STX1A: variants seen among roughly 807,000 people sequenced by gnomAD.
The protein encoded by STX1A is syntaxin-1A.
In STX1A, 4 loss-of-function variants were observed where a neutral mutation model predicts 37.8. The ratio of observed to expected loss-of-function variants is 0.11; its 90% confidence interval spans 0.05 to 0.24. The LOEUF (loss-of-function observed/expected upper bound fraction) is 0.24, where lower values mean the gene tolerates loss of function less well. Ranked by LOEUF, STX1A falls within the 10% of genes least tolerant of loss-of-function variation. The pLI, the probability that STX1A is intolerant of heterozygous loss-of-function variation, is 1.00. For synonymous variants in STX1A, 135 were observed against 147.4 expected (o/e 0.92, Z 0.61); for missense variants, 251 against 399.9 (o/e 0.63, Z 3.18).
chr7:73,709,943 G>A lies in STX1A; in HGVS notation c.31-821C>T, dbSNP rs1554617699. Reference sequence around the variant, plus strand: ...ACGGGGGTCTCACTGTGTTACCCAGGCTGGTCTTGAACTCCTGGCCTCAAG... The same window carrying A: ...ACGGGGGTCTCACTGTGTTACCCAGACTGGTCTTGAACTCCTGGCCTCAAG... On this transcript the variant is annotated intron_variant, in intron 1 of 9. Transcript: ENST00000222812. The surrounding 1 kb of genome is among the most constrained non-coding windows in gnomAD (Gnocchi z 4.2). Among the ~76,000 whole-genome samples the A allele has an allele frequency of 6.6e-6, 1 of 151,568 alleles. No homozygotes were observed. The highest frequency in any genetic ancestry group is 6.6e-5 in the Admixed American group (1 of 15,230).
At chr7:73,711,894 G>A (rs117943116) in intron 1 of STX1A, among the ~76,000 whole-genome samples, 2,828 of 152,224 alleles carry the variant, frequency 0.019, 45 homozygotes, top group Middle Eastern at 0.048. Flanking sequence ...TTGCCCATCT[G>A]TGTAATGAGG....
At chr7:73,703,181 C>T (rs1299004630) in intron 7 of STX1A, among the ~76,000 whole-genome samples, 199 bp from the exon 8 acceptor site, 1 of 152,240 alleles carries the variant, frequency 6.6e-6, no homozygotes, top group Non-Finnish European at 1.5e-5. Flanking sequence ...AAGCCAATCT[C>T]CTACCTGTAA....
rs1385874568 is a variant in STX1A, at chr7:73,702,500, G to A, written c.678+345C>T. 17 of 457,564 alleles carry A rather than the reference G, an allele frequency of 3.7e-5. No individual in the cohort carries two copies. The highest frequency in any genetic ancestry group is 5.9e-5 in the Non-Finnish European group (16 of 270,470). 28.3% of individuals were successfully genotyped at this position (457,564 alleles called of 1,614,324 possible). A position where few individuals can be genotyped will look rare whatever the true frequency, so the allele number is the denominator to read the frequency against. On this transcript the variant is annotated intron_variant, in intron 8 of 9. Transcript: ENST00000222812. The surrounding 1 kb of genome is among the most constrained non-coding windows in gnomAD (Gnocchi z 4.7). ...CAACAGCCATTCACTCCAGGAAGCAGGTCCCTGAGCTGTCCTGGTCACTGC... is the reference window on the plus strand; with the variant it reads ...CAACAGCCATTCACTCCAGGAAGCAAGTCCCTGAGCTGTCCTGGTCACTGC...
At chr7:73,704,512 A>C in intron 4 of STX1A, 89 bp from the exon 5 acceptor site, 28 of 1,495,560 alleles carry the variant, frequency 1.9e-5, no homozygotes, top group Middle Eastern at 1.9e-4. Context: ...ACCTTCCCAC[A>C]TCCCCTAGGG....
At chr7:73,707,380 C>T (rs948997786) in intron 3 of STX1A, among the ~76,000 whole-genome samples, 13 of 152,200 alleles carry the variant, frequency 8.5e-5, no homozygotes, top group Admixed American at 6.5e-4. Context: ...CCCGGGGTGC[C>T]ACATGGCCAG....
chr7:73,704,054 C>A (rs1205634801), intron 6 of STX1A, 94 bp downstream of exon 6: 4 of 1,394,910 alleles, frequency 2.9e-6, no homozygotes, highest in Non-Finnish European at 3.8e-6. Context: ...GGGCCCCTAA[C>A]TAAGCAGCAG....
chr7:73,700,591 G>A lies in STX1A; in HGVS notation c.790-107C>T. The A allele has an allele frequency of 1.3e-6, 2 of 1,505,372 alleles. No homozygotes were observed. The highest frequency in any genetic ancestry group is 1.8e-6 in the Non-Finnish European group (2 of 1,103,742). 93.3% of individuals were successfully genotyped at this position (1,505,372 alleles called of 1,614,324 possible). ...ACAGTCGGGGGGGATCCAAGCAGGG[G>A]AAGGTGACGGCCTGGGAGGGGGCTG... On this transcript the variant is annotated intron_variant, in intron 9 of 9. Coordinates refer to ENST00000222812, the MANE Select transcript of STX1A (RefSeq NM_004603.4). The surrounding 1 kb of genome is among the most constrained non-coding windows in gnomAD (Gnocchi z 4.4).
At chr7:73,707,153 C>A (rs539104797) in intron 3 of STX1A, among the ~76,000 whole-genome samples, 3 of 152,342 alleles carry the variant, frequency 2.0e-5, no homozygotes, top group Non-Finnish European at 4.4e-5. Flanking sequence ...CCCTCAAACA[C>A]CTGATGGCTG....
intron 1 of STX1A, among the ~76,000 whole-genome samples, chr7:73,718,550 G>A (rs1048690269): frequency 3.3e-5 from 5 of 152,112 alleles, no homozygotes; most frequent in Admixed American, 2.6e-4. Flanking sequence ...AGGGCTGCCA[G>A]CCAGGTGGCC....
In STX1A at chr7:73,702,926, G is replaced by A. The variant is rs1798715020; in HGVS notation, c.597C>T (p.His199=). 6.2e-7 allele frequency: 1 copy of A among 1,613,348 alleles called. No individual in the cohort carries two copies. Among genetic ancestry groups the A allele is most frequent in the African/African-American group, 1.3e-5 (1 of 74,832 alleles). Residue 199 remains histidine (H), a synonymous_variant, in exon 8 of 10, where the codon CAC becomes CAT. Coordinates refer to ENST00000222812, the MANE Select transcript of STX1A (RefSeq NM_004603.4). The surrounding 1 kb of genome is among the most constrained non-coding windows in gnomAD (Gnocchi z 4.7). ...KQALSEIETR[H]SEIIKLENSI... The stretch of plus-strand genomic sequence containing the variant: ...TGTTCTCCAGCTTGATGATCTCACT[G>A]TGCCGCGTCTCAATCTCGCTCAGAG...
At chr7:73,712,858 G>A (rs1446709479) in intron 1 of STX1A, among the ~76,000 whole-genome samples, 5 of 152,154 alleles carry the variant, frequency 3.3e-5, no homozygotes, top group African/African-American at 9.7e-5. Context: ...CCCTGCCCAA[G>A]AGTTGTTCCA....
chr7:73,710,914 T>C (rs1799079008), intron 1 of STX1A, among the ~76,000 whole-genome samples: 1 of 152,138 alleles, frequency 6.6e-6, no homozygotes, highest in African/African-American at 2.4e-5. Flanking sequence ...ATGGGGACAG[T>C]GACACCTGGC....
At position 73,708,936 on chromosome 7, in the gene STX1A, C is replaced by G. The variant is rs1294000200; in HGVS notation, c.108+109G>C. 4 of 1,236,662 alleles carry G rather than the reference C, an allele frequency of 3.2e-6. No individual in the cohort carries two copies. In the South Asian group the frequency reaches 4.9e-5, roughly 15 times the overall value. The allele number at this position is 1,236,662 out of a possible 1,614,324, so 76.6% of individuals were successfully genotyped here. A position where few individuals can be genotyped will look rare whatever the true frequency, so the allele number is the denominator to read the frequency against. The stretch of plus-strand genomic sequence containing the variant: ...CGGTTCATTCGTTGGCACCCCGGAG[C>G]TGCTGAGCCAGGTGCAGGTGTGAAA... On this transcript the variant is annotated intron_variant, in intron 2 of 9. Transcript: ENST00000222812.
At chr7:73,701,069 G>T in intron 8 of STX1A, 1 of 781,896 alleles carries the variant, frequency 1.3e-6, no homozygotes, top group Non-Finnish European at 2.0e-6. Context: ...AATCCTGGGG[G>T]TGGAGCTGGC....
At position 73,704,113 on chromosome 7, in the gene STX1A, TCCAGGCCCCGCC is replaced by T. The variant is rs782749754; in HGVS notation, c.466+23_466+34del. 21 of 1,539,304 alleles carry T rather than the reference TCCAGGCCCCGCC, an allele frequency of 1.4e-5. No individual in the cohort carries two copies. The South Asian group carries it at 1.6e-4, about 12-fold the overall frequency. ...AGACTCGGGCCCCGCCCCTCCAGGC[TCCAGGCCCCGCC>T]CCAGGCCCCACCCCCAGCTCACTGA... On this transcript the variant is annotated intron_variant, in intron 6 of 9. Transcript: ENST00000222812.
rs1798562527 is a variant in STX1A at position 73,699,351 on chromosome 7, A to T, written c.*1056T>A. 6.6e-6 allele frequency: 1 copy of T among 152,614 alleles called. No homozygotes were observed. Among genetic ancestry groups the T allele is most frequent in the African/African-American group, 2.4e-5 (1 of 41,426 alleles). 9.5% of individuals were successfully genotyped at this position (152,614 alleles called of 1,614,324 possible). ...TGGTCACAGTCACTGGGCAGGAGTA[A>T]AGCCGAGGGAGGGTGGGGCACACGG... On this transcript the variant is annotated 3_prime_UTR_variant, in exon 10 of 10. Transcript: ENST00000222812.
chr7:73,716,199 G>C (rs917624235), intron 1 of STX1A, among the ~76,000 whole-genome samples: 8 of 152,262 alleles, frequency 5.3e-5, no homozygotes, highest in African/African-American at 1.9e-4. Context: ...AACGTAATGG[G>C]AGGAAGGATC....
rs1798567934 is a variant in STX1A, at chr7:73,699,479, A to G, written c.*928T>C. On this transcript the variant is annotated 3_prime_UTR_variant, in exon 10 of 10. Transcript: ENST00000222812. ...GGCACATTTCCCATGAGAAGCCCCA[A>G]GGTGGTGAGGAGGAGGAGGTAGCCC... The G allele has an allele frequency of 6.6e-6, 1 of 152,630 alleles. No individual in the cohort carries two copies. The highest frequency in any genetic ancestry group is 1.5e-5 in the Non-Finnish European group (1 of 68,054). The allele number at this position is 152,630 out of a possible 1,614,324, so 9.5% of individuals were successfully genotyped here. A position where few individuals can be genotyped will look rare whatever the true frequency, so the allele number is the denominator to read the frequency against.
rs1347640014 is a variant in STX1A, at chr7:73,700,131, G to A, written c.*276C>T. 1.9e-5 allele frequency: 10 copies of A among 520,356 alleles called. No individual in the cohort carries two copies. The highest frequency in any genetic ancestry group is 9.6e-5 in the African/African-American group (5 of 52,204). 32.2% of individuals were successfully genotyped at this position (520,356 alleles called of 1,614,324 possible). ...GAAGGGTGGCCTGTGTCACCCTGGC[G>A]GCCCTGCCTGGGTCTGCTCCTCGCT... On this transcript the variant is annotated 3_prime_UTR_variant, in exon 10 of 10. Transcript: ENST00000222812. This position sits in a 1 kb window ranked among gnomAD's most constrained non-coding sequence, Gnocchi z 4.4.
Sources: allele counts gnomAD v4.1 joint callset (sites outside exome capture counted in the v4.1 genomes callset), GRCh38; gene constraint gnomAD v4.1.1; non-coding constraint Gnocchi (gnomAD v3.1); transcripts MANE v1.5; gene names NCBI Gene and HGNC (gene_info 2026-07-23, HGNC 2026-07-21).